The following USH2A variants were observed in gnomAD, a reference collection of about 807,000 sequenced individuals.
USH2A encodes usherin.
A neutral mutation model predicts 538.9 loss-of-function variants in USH2A; 443 were observed. That is an observed-to-expected ratio of 0.82 (90% CI 0.76 to 0.89). The LOEUF (loss-of-function observed/expected upper bound fraction) is 0.89. Ranked by LOEUF, USH2A falls within the 40% of genes least tolerant of loss-of-function variation. The pLI is 0.00. For synonymous variants in USH2A, 2,413 were observed against 2,273.5 expected (o/e 1.06, Z -1.75); for missense variants, 6,633 against 6,324.8 (o/e 1.05, Z -1.65).
chr1:216,047,536 A>T lies in USH2A; in HGVS notation c.6164-944T>A, dbSNP rs570855305. On this transcript the variant is annotated intron_variant, in intron 31 of 71. Coordinates refer to ENST00000307340, the MANE Select transcript of USH2A (RefSeq NM_206933.4). ...AGTCTGATTGGTTTAGGTAAAAAAT[A>T]CAGCATATTAAGGGTCACAAGAAGG... Among the ~76,000 whole-genome samples, 444 of 152,260 alleles carry T rather than the reference A, an allele frequency of 2.9e-3. 1 individual carries two copies. The highest frequency in any genetic ancestry group is 9.8e-3 in the African/African-American group (409 of 41,550).
Position 215,989,021 on chromosome 1 carries a change from G to A in USH2A, c.6805+3999C>T, listed in dbSNP as rs148726301. Among the ~76,000 whole-genome samples the A allele has an allele frequency of 2.8e-3, 432 of 152,302 alleles. 1 individual carries two copies. The highest frequency in any genetic ancestry group is 4.3e-3 in the Non-Finnish European group (290 of 68,026). On this transcript the variant is annotated intron_variant, in intron 35 of 71. Coordinates refer to ENST00000307340, the MANE Select transcript of USH2A (RefSeq NM_206933.4). ...AAGGACAGAATGTTTCCTAAGCCAC[G>A]CTGGCCAAAGGCTACCAATTGTTTG...
intron 3 of USH2A, among the ~76,000 whole-genome samples, chr1:216,404,791 T>C (rs2039365109): frequency 6.6e-6 from 1 of 151,838 alleles, no homozygotes; most frequent in Admixed American, 6.6e-5. Flanking sequence ...TGGCTAATTG[T>C]TTTTGTATTT....
intron 49 of USH2A, among the ~76,000 whole-genome samples, chr1:215,802,599 A>G (rs1307562301): frequency 6.6e-6 from 1 of 152,178 alleles, no homozygotes; most frequent in African/African-American, 2.4e-5. Flanking sequence ...AGTTATAAAA[A>G]ACATAAAATA....
At chr1:216,301,841 G>A (rs1282347012) in intron 9 of USH2A, among the ~76,000 whole-genome samples, 3 of 152,054 alleles carry the variant, frequency 2.0e-5, no homozygotes, top group Non-Finnish European at 4.4e-5. Flanking sequence ...TTTCTCATCA[G>A]TAGAAACCAG....
chr1:215,921,044 C>A (rs1666086027), intron 38 of USH2A, among the ~76,000 whole-genome samples: 1 of 151,938 alleles, frequency 6.6e-6, no homozygotes, highest in Non-Finnish European at 1.5e-5. Flanking sequence ...GAAAAAGATT[C>A]TTTCTTTCAT....
rs552400144 is a variant in USH2A at position 216,289,360 on chromosome 1, C to G, written c.1891G>C (p.Asp631His). 9.3e-6 allele frequency: 15 copies of G among 1,613,896 alleles called. No homozygotes were observed. Among genetic ancestry groups the G allele is most frequent in the African/African-American group, 1.3e-5 (1 of 74,938 alleles). The change falls in exon 11 of 72, where the codon GAT becomes CAT. Residue 631 changes from aspartate (D) to histidine (H), a missense_variant. Asp to His is a moderately conservative substitution (Grantham distance 81). Transcript: ENST00000307340. Reference protein sequence around the residue: ...KDYFFRQVGADPSAIDVCKPC... With the variant: ...KDYFFRQVGAHPSAIDVCKPC... ...TTGCAAACATCTATGGCCGAAGGAT[C>G]TGCACCAACTTGTCGGAAAAAGTAA...
At chr1:216,353,851 C>T (rs142943034) in intron 4 of USH2A, among the ~76,000 whole-genome samples, 58 of 152,088 alleles carry the variant, frequency 3.8e-4, no homozygotes, top group African/African-American at 1.2e-3. Context: ...AAATGTAGAG[C>T]GCACAGAAAA....
chr1:215,903,968 G>A lies in USH2A; in HGVS notation c.7301-3063C>T, dbSNP rs561306516. ...GATATTTTTATCTATGAACACAAAT[G>A]GTTTTTAACAATCATAATTTATTTG... On this transcript the variant is annotated intron_variant, in intron 38 of 71. Coordinates refer to ENST00000307340, the MANE Select transcript of USH2A (RefSeq NM_206933.4). Among the ~76,000 whole-genome samples the A allele has an allele frequency of 1.1e-4, 17 of 151,926 alleles. No homozygotes were observed. The South Asian group carries it at 3.5e-3, about 32-fold the overall frequency.
intron 21 of USH2A, among the ~76,000 whole-genome samples, chr1:216,111,068 A>C (rs1374812278): frequency 6.6e-6 from 1 of 152,140 alleles, no homozygotes; most frequent in Non-Finnish European, 1.5e-5. Flanking sequence ...TCTACCAAAA[A>C]TACAAAAATT....
chr1:215,994,408 T>C (rs1333517395), intron 34 of USH2A, among the ~76,000 whole-genome samples: 1 of 151,944 alleles, frequency 6.6e-6, no homozygotes, highest in Non-Finnish European at 1.5e-5. Flanking sequence ...AATATGGGAG[T>C]ACACTACTAT....
At chr1:216,063,608 A>G (rs944267555) in intron 30 of USH2A, among the ~76,000 whole-genome samples, 1 of 152,232 alleles carries the variant, frequency 6.6e-6, no homozygotes, top group Non-Finnish European at 1.5e-5. Context: ...ACTGGAAAGC[A>G]TAAAACATGA....
At chr1:215,962,658 TACAC>T (rs10562094) in intron 37 of USH2A, among the ~76,000 whole-genome samples, 85 of 151,260 alleles carry the variant, frequency 5.6e-4, no homozygotes, top group African/African-American at 1.9e-3. Flanking sequence ...TGTTTATGTA[TACAC>T]ACACACACAC....
At chr1:215,849,217 A>G (rs1248665297) in intron 44 of USH2A, among the ~76,000 whole-genome samples, 1 of 152,174 alleles carries the variant, frequency 6.6e-6, no homozygotes, top group East Asian at 1.9e-4. Context: ...CTTCTATGAC[A>G]ATGGGATGGA....
intron 11 of USH2A, among the ~76,000 whole-genome samples, chr1:216,263,478 T>C (rs1281408303): frequency 1.3e-5 from 2 of 152,026 alleles, no homozygotes; most frequent in Non-Finnish European, 2.9e-5. Context: ...GCAAATTGAA[T>C]AAATGGGATA....
intron 57 of USH2A, 118 bp downstream of exon 57, chr1:215,759,542 A>G: frequency 7.9e-7 from 1 of 1,258,910 alleles, no homozygotes; most frequent in Non-Finnish European, 1.1e-6. Flanking sequence ...TGAATGGCCA[A>G]TGAATGAGGA....
At chr1:216,136,933 C>T (rs147413872) in intron 21 of USH2A, among the ~76,000 whole-genome samples, 5 of 152,250 alleles carry the variant, frequency 3.3e-5, no homozygotes, top group African/African-American at 4.8e-5. Context: ...TTCTAGCCTT[C>T]AGAATTGTGA....
At chr1:215,963,230 T>C (rs1667244540) in intron 37 of USH2A, among the ~76,000 whole-genome samples, 1 of 152,092 alleles carries the variant, frequency 6.6e-6, no homozygotes, top group African/African-American at 2.4e-5. Flanking sequence ...AATTTGTTCT[T>C]GTAGAGCCAT....
intron 61 of USH2A, among the ~76,000 whole-genome samples, chr1:215,693,090 A>ATG (rs759484242): frequency 0.015 from 808 of 52,580 alleles, 6 homozygotes; most frequent in Middle Eastern, 0.022. Flanking sequence ...ATATATATAT[A>ATG]TATGTGTGTG....
rs569094629 is a variant in USH2A at position 216,320,834 on chromosome 1, A to T, written c.1644+1049T>A. Among the ~76,000 whole-genome samples, 147 of 152,238 alleles carry T rather than the reference A, an allele frequency of 9.7e-4. 1 individual carries two copies. The highest frequency in any genetic ancestry group is 3.4e-3 in the African/African-American group (141 of 41,570). ...TAGGAATCTTAACTCTTTACCTGTT[A>T]ACATGATGCAAATATTTTCTATCAA... is the stretch of plus-strand genomic sequence containing the variant. On this transcript the variant is annotated intron_variant, in intron 9 of 71. Transcript: ENST00000307340.
Sources: allele counts gnomAD v4.1 joint callset (sites outside exome capture counted in the v4.1 genomes callset), GRCh38; gene constraint gnomAD v4.1.1; transcripts MANE v1.5; gene names NCBI Gene and HGNC (gene_info 2026-07-23, HGNC 2026-07-21).